IL1RN: variants seen among roughly 807,000 people sequenced by gnomAD.
The protein encoded by IL1RN is interleukin 1 receptor antagonist.
A neutral mutation model predicts 13.7 loss-of-function variants in IL1RN; 10 were observed. The ratio of observed to expected loss-of-function variants is 0.73; its 90% CI spans 0.45 to 1.24. The LOEUF is 1.24. IL1RN is among the 50% of genes most tolerant of loss of function. The pLI, the probability that IL1RN is intolerant of heterozygous loss-of-function variation, is 0.00. For missense variants in IL1RN, 213 were observed against 222.1 expected (o/e 0.96, Z 0.26); for synonymous variants, 102 against 82.7 (o/e 1.23, Z -1.27).
upstream of IL1RN, among the ~76,000 whole-genome samples, chr2:113,122,668 T>C (rs1159614086): frequency 6.6e-6 from 1 of 152,130 alleles, no homozygotes; most frequent in Non-Finnish European, 1.5e-5. Flanking sequence ...CTGACAACAT[T>C]ACCCTTTTAT....
the IL1RN span, among the ~76,000 whole-genome samples, chr2:113,099,723 CTTTTCTTT>C: frequency 1.4e-5 from 1 of 72,170 alleles, no homozygotes; most frequent in Non-Finnish European, 2.7e-5. Context: ...CCTCTTCTTT[CTTTTCTTT>C]TTTTTTTTTT....
At chr2:113,132,602 C>T (rs1687211395) in intron 3 of IL1RN, 54 bp from the exon 4 acceptor site, 1 of 1,491,392 alleles carries the variant, frequency 6.7e-7, no homozygotes, top group Non-Finnish European at 9.4e-7. Context: ...GAGAGGGAGG[C>T]AGCACAGGAC....
intron 2 of IL1RN, chr2:113,121,557 AC>A: frequency 1.0e-6 from 1 of 985,428 alleles, no homozygotes; most frequent in East Asian, 1.1e-4. Flanking sequence ...TTCATAGCTA[AC>A]CCATAAACTG....
chr2:113,108,486 G>T (rs1686421845), upstream of IL1RN, among the ~76,000 whole-genome samples: 1 of 149,200 alleles, frequency 6.7e-6, no homozygotes, highest in Non-Finnish European at 1.5e-5. Flanking sequence ...GACCTCTTCT[G>T]CCTCCTTTCT....
upstream of IL1RN, among the ~76,000 whole-genome samples, chr2:113,125,417 G>C (rs1015752551): frequency 1.3e-5 from 2 of 152,134 alleles, no homozygotes; most frequent in East Asian, 3.9e-4. Flanking sequence ...AAAAAGGATG[G>C]GTGACTCACT....
chr2:113,117,956 C>G (rs1686634425), exon 1 of IL1RN: 4 of 990,670 alleles, frequency 4.0e-6, no homozygotes, highest in Non-Finnish European at 6.6e-6. Context: ...TTATGGGCAG[C>G]AGCTCAGTTG....
rs1687237133 is a variant in IL1RN at position 113,133,213 on chromosome 2, C to T, written c.*342C>T. The stretch of plus-strand genomic sequence containing the variant: ...GCCTCTTCCTCCCTCATTCCACCTT[C>T]CCATGCCCTGGATCCATCAGGCCAC... On this transcript the variant is annotated 3_prime_UTR_variant, in exon 4 of 4. Transcript: ENST00000409930. 2.5e-6 allele frequency: 1 copy of T among 407,754 alleles called. No individual in the cohort carries two copies. The highest frequency in any genetic ancestry group is 3.6e-5 in the Admixed American group (1 of 27,692). The allele number at this position is 407,754 out of a possible 1,614,324, so 25.3% of individuals were successfully genotyped here. A position where few individuals can be genotyped will look rare whatever the true frequency, so the allele number is the denominator to read the frequency against.
chr2:113,116,470 C>T (rs1686595389), upstream of IL1RN, among the ~76,000 whole-genome samples: 1 of 151,610 alleles, frequency 6.6e-6, no homozygotes, highest in Non-Finnish European at 1.5e-5. Context: ...TGGGAAGTCC[C>T]TGCGGTCGGG....
chr2:113,122,318 C>G (rs1234591292), intron 2 of IL1RN, among the ~76,000 whole-genome samples: 1 of 152,004 alleles, frequency 6.6e-6, no homozygotes, highest in Non-Finnish European at 1.5e-5. Flanking sequence ...GTGGGGTGAG[C>G]CATTTGGGCT....
chr2:113,127,504 T>C (rs1180400360), upstream of IL1RN: 2 of 1,467,356 alleles, frequency 1.4e-6, no homozygotes, highest in Admixed American at 2.5e-5. Flanking sequence ...GCGAGGAGGG[T>C]ATTTCCGCTT....
At position 113,118,032 on chromosome 2, in the gene IL1RN, A is replaced by G. The variant is rs759724947; in HGVS notation, c.10+4A>G. On this transcript the variant is annotated splice_donor_region_variant and intron_variant, in intron 1 of 5. Transcript: ENST00000259206. Reference sequence around the variant, plus strand: ...GAGGCCCTCCCCATGGCTTTAGGTAAGCTCCTTCCACTCTCATTTTTTCAC... The same window carrying G: ...GAGGCCCTCCCCATGGCTTTAGGTAGGCTCCTTCCACTCTCATTTTTTCAC... The G allele has an allele frequency of 6.8e-6, 11 of 1,608,248 alleles. No homozygotes were observed. The South Asian group carries it at 1.1e-4, about 16-fold the overall frequency.
upstream of IL1RN, among the ~76,000 whole-genome samples, chr2:113,123,595 C>T (rs933553391): frequency 6.6e-6 from 1 of 152,168 alleles, no homozygotes; most frequent in African/African-American, 2.4e-5. Context: ...TGAACCATCT[C>T]AGGGTACAGA....
At chr2:113,099,887 A>G in the IL1RN span, among the ~76,000 whole-genome samples, 1 of 141,866 alleles carries the variant, frequency 7.0e-6, no homozygotes, top group Non-Finnish European at 1.6e-5. Flanking sequence ...GGCACCTGCC[A>G]CCACGCCCGG....
chr2:113,103,847 C>G (rs190243470), upstream of IL1RN, among the ~76,000 whole-genome samples: 2 of 152,132 alleles, frequency 1.3e-5, no homozygotes, highest in East Asian at 3.9e-4. Flanking sequence ...AACTGTCCAT[C>G]AAAAGCTCAG....
In IL1RN at chr2:113,133,009, C is replaced by G. The variant is rs315951; in HGVS notation, c.*138C>G. 0.31 allele frequency: 244,383 copies of G among 787,330 alleles called. 42,486 individuals carry two copies. Among genetic ancestry groups the G allele is most frequent in the East Asian group, 0.64 (24,163 of 37,834 alleles). The allele number at this position is 787,330 out of a possible 1,614,324, so 48.8% of individuals were successfully genotyped here. On this transcript the variant is annotated 3_prime_UTR_variant, in exon 4 of 4. Coordinates refer to ENST00000409930, the MANE Select transcript of IL1RN (RefSeq NM_173842.3). ...GGTGGACCCTCAGAAGGCGTCACAA[C>G]AACCTGGTCACAGGACTCTGCCTCC...
In IL1RN at chr2:113,133,493, T is replaced by C. The variant is rs1177847702; in HGVS notation, c.*622T>C. The C allele has an allele frequency of 6.3e-6, 1 of 157,758 alleles. No individual in the cohort carries two copies. The highest frequency in any genetic ancestry group is 1.4e-5 in the Non-Finnish European group (1 of 71,170). The allele number at this position is 157,758 out of a possible 1,614,324, so 9.8% of individuals were successfully genotyped here. On this transcript the variant is annotated 3_prime_UTR_variant, in exon 4 of 4. Transcript: ENST00000409930. ...GTAGCTTTTCCCTTCTTTTTCTTCT[T>C]TTTTTGTGATGTCCCAACTTGTAAA...
chr2:113,114,683 G>A (rs931891933), upstream of IL1RN, among the ~76,000 whole-genome samples: 1 of 151,298 alleles, frequency 6.6e-6, no homozygotes, highest in Non-Finnish European at 1.5e-5. Flanking sequence ...GTGTGTGTGA[G>A]AGAGAGAGAG....
chr2:113,120,487 C>A (rs531241675), intron 2 of IL1RN, among the ~76,000 whole-genome samples: 1 of 152,274 alleles, frequency 6.6e-6, no homozygotes, highest in East Asian at 1.9e-4. Context: ...GCAGCAGCCA[C>A]CAGAGGTACC....
intron 2 of IL1RN, chr2:113,121,437 C>T: frequency 1.0e-6 from 1 of 985,240 alleles, no homozygotes; most frequent in Non-Finnish European, 1.2e-6. Flanking sequence ...TCCATTTCCT[C>T]CTGTCTGCAG....
Sources: gnomAD v4.1 joint callset for allele counts (sites outside exome capture counted in the v4.1 genomes callset) on GRCh38, gnomAD v4.1.1 for gene constraint, MANE v1.5 for transcripts, NCBI Gene and HGNC (gene_info 2026-07-23, HGNC 2026-07-21) for gene names.